Variants in SPOCK3 observed in about 807,000 individuals in gnomAD.
SPOCK3 encodes testican-3.
Under a neutral mutation model 56.6 loss-of-function variants are expected in SPOCK3, and 30 were observed. That is an observed-to-expected ratio of 0.53 (90% confidence interval 0.40 to 0.72). The LOEUF (loss-of-function observed/expected upper bound fraction) is 0.72, where lower values mean the gene tolerates loss of function less well. SPOCK3 is among the 30% of genes least tolerant of loss of function. SPOCK3 has a pLI of 0.00. For synonymous variants in SPOCK3, 196 were observed against 183.3 expected (o/e 1.07, Z -0.56); for missense variants, 527 against 530.0 (o/e 0.99, Z 0.06).
At chr4:166,844,470 A>T (rs905955047) in intron 6 of SPOCK3, among the ~76,000 whole-genome samples, 1 of 152,198 alleles carries the variant, frequency 6.6e-6, no homozygotes, top group African/African-American at 2.4e-5. Flanking sequence ...TTAACAATTA[A>T]ATCAGTAAAC....
chr4:167,043,187 T>TTGTTTA (rs1333501469), intron 3 of SPOCK3, among the ~76,000 whole-genome samples: 1 of 152,080 alleles, frequency 6.6e-6, no homozygotes, highest in African/African-American at 2.4e-5. Flanking sequence ...TATAGAAAGC[T>TTGTTTA]TGTTTATATT....
At chr4:167,060,010 G>A (rs1755408538) in intron 3 of SPOCK3, among the ~76,000 whole-genome samples, 1 of 151,312 alleles carries the variant, frequency 6.6e-6, no homozygotes, top group Non-Finnish European at 1.5e-5. Context: ...GTGGGGTGGG[G>A]GGAGTGGGGA....
At chr4:167,234,209 T>A (rs758823250) in intron 1 of SPOCK3, 36 bp from the exon 2 acceptor site, 40 of 1,506,954 alleles carry the variant, frequency 2.7e-5, no homozygotes, top group Non-Finnish European at 3.6e-5. Flanking sequence ...TGGGGGGGCA[T>A]GTCAGTGTCA....
At chr4:166,938,212 T>A (rs1442971161) in intron 4 of SPOCK3, among the ~76,000 whole-genome samples, 2 of 151,818 alleles carry the variant, frequency 1.3e-5, no homozygotes, top group Admixed American at 6.6e-5. Context: ...AAAGGATTGC[T>A]AAGCTATAAA....
At chr4:166,960,902 AG>A (rs1744065650) in intron 4 of SPOCK3, among the ~76,000 whole-genome samples, 1 of 152,176 alleles carries the variant, frequency 6.6e-6, no homozygotes, top group Non-Finnish European at 1.5e-5. Context: ...GGAAGAATCA[AG>A]GGCTGAGGAG....
chr4:166,882,543 A>T (rs1733787775), intron 6 of SPOCK3, among the ~76,000 whole-genome samples: 1 of 152,206 alleles, frequency 6.6e-6, no homozygotes, highest in South Asian at 2.1e-4. Flanking sequence ...CATATTATGT[A>T]TTGGAAAGGA....
chr4:167,172,554 C>T (rs1488399021), intron 2 of SPOCK3, among the ~76,000 whole-genome samples: 1 of 152,118 alleles, frequency 6.6e-6, no homozygotes, highest in African/African-American at 2.4e-5. Flanking sequence ...TAAATGAAAG[C>T]ATATTTCCTA....
intron 6 of SPOCK3, among the ~76,000 whole-genome samples, chr4:166,877,513 A>G (rs1329179472): frequency 2.0e-5 from 3 of 152,320 alleles, no homozygotes; most frequent in African/African-American, 7.2e-5. Context: ...CAAATGTAAC[A>G]GTATTTAAAT....
intron 5 of SPOCK3, 40 bp downstream of exon 5, chr4:166,912,580 C>A: frequency 1.9e-6 from 3 of 1,575,404 alleles, no homozygotes; most frequent in Non-Finnish European, 2.6e-6. Flanking sequence ...AATAAGTATG[C>A]ATCCCTTATT....
chr4:167,222,812 TATAA>T (rs371807669), intron 2 of SPOCK3, among the ~76,000 whole-genome samples: 14,471 of 111,290 alleles, frequency 0.13, 1,291 homozygotes, highest in African/African-American at 0.23. Context: ...TATATGAATA[TATAA>T]ATATATAAAC....
At chr4:166,782,710 A>T (rs777743888) in intron 7 of SPOCK3, among the ~76,000 whole-genome samples, 2 of 152,148 alleles carry the variant, frequency 1.3e-5, no homozygotes, top group Non-Finnish European at 2.9e-5. Context: ...ACATAAATTA[A>T]CTGTAAATAT....
At chr4:167,058,063 A>G (rs1755108441) in intron 3 of SPOCK3, among the ~76,000 whole-genome samples, 1 of 152,180 alleles carries the variant, frequency 6.6e-6, no homozygotes, top group East Asian at 1.9e-4. Flanking sequence ...CAAATGTAAA[A>G]GATCGGAATT....
At chr4:167,128,567 CA>C (rs1305211646) in intron 2 of SPOCK3, among the ~76,000 whole-genome samples, 11 of 152,296 alleles carry the variant, frequency 7.2e-5, no homozygotes, top group Admixed American at 2.0e-4. Context: ...AGTGTTCAAC[CA>C]TTTGGCTTCC....
intron 5 of SPOCK3, among the ~76,000 whole-genome samples, chr4:166,904,697 T>C (rs1736424359): frequency 1.3e-5 from 2 of 151,966 alleles, no homozygotes; most frequent in South Asian, 4.1e-4. Context: ...TTGGGGGTGT[T>C]AGTGTCTGAG....
rs1346466023 is a variant in SPOCK3, at chr4:167,192,960, G to A, written c.189+41025C>T. On this transcript the variant is annotated intron_variant, in intron 2 of 10. Transcript: ENST00000357545. ...GTTTTATACTATTGTGGTAGAATAC[G>A]ACACTTGAAATAATCTTCTTAAATT... is the stretch of plus-strand genomic sequence containing the variant. Among the ~76,000 whole-genome samples the A allele has an allele frequency of 2.1e-5, 3 of 145,656 alleles. 1 individual carries two copies. Among genetic ancestry groups the A allele is most frequent in the Admixed American group, 1.4e-4 (2 of 14,180 alleles).
At chr4:166,953,334 A>C (rs965270764) in intron 4 of SPOCK3, among the ~76,000 whole-genome samples, 1 of 152,218 alleles carries the variant, frequency 6.6e-6, no homozygotes, top group Non-Finnish European at 1.5e-5. Flanking sequence ...CCATGAAAAA[A>C]TGCTCACCAT....
intron 2 of SPOCK3, among the ~76,000 whole-genome samples, chr4:167,223,698 C>T (rs1736301209): frequency 6.6e-6 from 1 of 151,872 alleles, no homozygotes; most frequent in African/African-American, 2.4e-5. Flanking sequence ...GCCTGTAATC[C>T]CAGCACTTGA....
At position 167,042,266 on chromosome 4, in the gene SPOCK3, A is replaced by G. The variant is rs1753296760; in HGVS notation, c.235+20226T>C. Among the ~76,000 whole-genome samples, 5 of 152,328 alleles carry G rather than the reference A, an allele frequency of 3.3e-5. No homozygotes were observed. In the South Asian group the frequency reaches 1.0e-3, roughly 32 times the overall value. ...TTCAACCCATATGCAGGTATTTTCT[A>G]TCCATCTGTGGTTGAATCCTTGGAT... On this transcript the variant is annotated intron_variant, in intron 3 of 10. Transcript: ENST00000357545.
At chr4:166,952,345 T>A (rs373688691) in intron 4 of SPOCK3, among the ~76,000 whole-genome samples, 3 of 152,080 alleles carry the variant, frequency 2.0e-5, no homozygotes, top group East Asian at 1.9e-4. Flanking sequence ...TGCTTCAAAG[T>A]GAATAAAATA....
Sources: allele counts gnomAD v4.1 joint callset (sites outside exome capture counted in the v4.1 genomes callset), GRCh38; gene constraint gnomAD v4.1.1; transcripts MANE v1.5; gene names NCBI Gene and HGNC (gene_info 2026-07-23, HGNC 2026-07-21).